The following PARG variants were observed in gnomAD, a reference collection of about 807,000 sequenced individuals.
PARG encodes poly(ADP-ribose) glycohydrolase.
Under a neutral mutation model 113.0 loss-of-function variants are expected in PARG, and 35 were observed. The observed-to-expected ratio is 0.31, with a 90% CI of 0.24 to 0.41. PARG has a LOEUF of 0.41. Ranked by LOEUF, PARG falls within the 10% of genes least tolerant of loss-of-function variation. The pLI is 1.00. For synonymous variants in PARG, 330 were observed against 409.9 expected (o/e 0.81, Z 2.36); for missense variants, 797 against 1,169.4 (o/e 0.68, Z 4.64).
Position 49,933,419 on chromosome 10 carries a change from C to T in PARG, c.1029G>A (p.Arg343=). ...SSSQTANKPS[R]FQARDADIEF... Reference sequence around the variant, plus strand: ...CAATGTCAGCGTCTCTTGCTTGGAACCTTGAAGGTTTATTTGCTGTTTGGG... The same window carrying T: ...CAATGTCAGCGTCTCTTGCTTGGAATCTTGAAGGTTTATTTGCTGTTTGGG... The change falls in exon 3 of 18, where the codon AGG becomes AGA. Residue 343 remains arginine, a synonymous_variant. Transcript: ENST00000616448. 2.5e-6 allele frequency: 4 copies of T among 1,613,558 alleles called. No individual in the cohort carries two copies. The highest frequency in any genetic ancestry group is 1.1e-5 in the South Asian group (1 of 91,052).
intron 1 of PARG, among the ~76,000 whole-genome samples, chr10:49,939,475 A>AT (rs1324204714): frequency 7.9e-5 from 12 of 152,322 alleles, no homozygotes; most frequent in African/African-American, 2.9e-4. Context: ...CAGGTTACAT[A>AT]TATTTCTTAC....
chr10:49,837,562 A>G (rs1185016665), intron 15 of PARG, among the ~76,000 whole-genome samples: 2 of 152,096 alleles, frequency 1.3e-5, no homozygotes, highest in African/African-American at 4.8e-5. Context: ...TCATAACCAA[A>G]ATTCTTAAGT....
intron 9 of PARG, among the ~76,000 whole-genome samples, chr10:49,878,603 G>A (rs1353904446): frequency 1.5e-5 from 2 of 134,712 alleles, no homozygotes; most frequent in African/African-American, 5.3e-5. Flanking sequence ...GGGCAACAGA[G>A]TGAAGCTCCG....
chr10:49,844,865 T>C (rs1554833065), intron 13 of PARG, among the ~76,000 whole-genome samples: 1 of 152,180 alleles, frequency 6.6e-6, no homozygotes, highest in African/African-American at 2.4e-5. Flanking sequence ...GACAAAGGAC[T>C]TGTGTTCAGA....
intron 7 of PARG, among the ~76,000 whole-genome samples, chr10:49,891,332 A>G (rs1847770507): frequency 6.6e-6 from 1 of 151,900 alleles, no homozygotes; most frequent in Non-Finnish European, 1.5e-5. Context: ...ATAAATAAAA[A>G]ATAAAAAAAT....
At chr10:49,912,524 G>A (rs1373420297) in intron 7 of PARG, among the ~76,000 whole-genome samples, 5 of 152,044 alleles carry the variant, frequency 3.3e-5, no homozygotes, top group Non-Finnish European at 5.9e-5. Context: ...TTAGCTGGGT[G>A]TGGTGGCGCA....
chr10:49,921,332 T>C (rs1198893824), intron 6 of PARG, among the ~76,000 whole-genome samples: 2 of 152,308 alleles, frequency 1.3e-5, no homozygotes, highest in East Asian at 1.9e-4. Context: ...ATAATTCTAA[T>C]GATAATCTCT....
Position 49,842,024 on chromosome 10 carries a change from CAACG to C in PARG, c.2463_2466del (p.Ile821MetfsTer20), listed in dbSNP as rs1334566100. The C allele has an allele frequency of 6.5e-7, 1 of 1,550,280 alleles. No homozygotes were observed. The highest frequency in any genetic ancestry group is 8.7e-7 in the Non-Finnish European group (1 of 1,146,880). ...CGTCTGAAGTGAAGAGCATCGATGG[CAACG>C]ATCTCAGTGCAGCGCCGCTGCCAGT... is the stretch of plus-strand genomic sequence containing the variant. On this transcript the variant is annotated frameshift_variant, in exon 15 of 18. Coordinates refer to ENST00000616448, the MANE Select transcript of PARG (RefSeq NM_003631.5). LOFTEE classifies it high-confidence loss of function.
chr10:49,833,637 T>C (rs1844776165), intron 15 of PARG, among the ~76,000 whole-genome samples: 1 of 152,244 alleles, frequency 6.6e-6, no homozygotes, highest in Admixed American at 6.5e-5. Flanking sequence ...GCTCATTTTC[T>C]ATATGAGAAG....
At chr10:49,915,141 C>G (rs1335584421) in intron 7 of PARG, among the ~76,000 whole-genome samples, 1 of 135,642 alleles carries the variant, frequency 7.4e-6, no homozygotes, top group Non-Finnish European at 1.6e-5. Flanking sequence ...CTGACTTTGT[C>G]AAAATTAAAA....
chr10:49,819,541 GA>G, intron 17 of PARG, 47 bp from the exon 18 acceptor site: 3 of 1,427,582 alleles, frequency 2.1e-6, no homozygotes, highest in Non-Finnish European at 2.9e-6. Flanking sequence ...GTATGTAATT[GA>G]AAAAACCTTA....
intron 6 of PARG, among the ~76,000 whole-genome samples, chr10:49,917,549 T>C (rs1837564398): frequency 6.8e-6 from 1 of 147,596 alleles, no homozygotes; most frequent in South Asian, 2.2e-4. Context: ...GCCTGTACGG[T>C]GGCTCACACC....
chr10:49,826,162 A>T (rs150821226), intron 16 of PARG, among the ~76,000 whole-genome samples: 1 of 152,220 alleles, frequency 6.6e-6, no homozygotes, highest in East Asian at 1.9e-4. Context: ...TTGAATGCAC[A>T]TTATCATGCC....
intron 16 of PARG, among the ~76,000 whole-genome samples, chr10:49,830,542 G>T (rs1844607245): frequency 6.6e-6 from 1 of 152,146 alleles, no homozygotes; most frequent in East Asian, 1.9e-4. Flanking sequence ...TTTATAACAT[G>T]TAACAGTTAA....
In PARG at chr10:49,915,995, T is replaced by C. The variant is rs1222107503; in HGVS notation, c.1663-4A>G. ...CATTGTATTTCAGAATAGCATCCTG[T>C]GGAAAATGCAGAAACAAAAAAACGT... On this transcript the variant is annotated splice_region_variant and splice_polypyrimidine_tract_variant and intron_variant, in intron 6 of 17. Coordinates refer to ENST00000616448, the MANE Select transcript of PARG (RefSeq NM_003631.5). 70 of 1,526,646 alleles carry C rather than the reference T, an allele frequency of 4.6e-5. No homozygotes were observed. Among genetic ancestry groups the C allele is most frequent in the Non-Finnish European group, 5.6e-5 (63 of 1,124,362 alleles). 94.6% of individuals were successfully genotyped at this position (1,526,646 alleles called of 1,614,324 possible).
At chr10:49,890,530 C>T (rs3884651) in intron 7 of PARG, among the ~76,000 whole-genome samples, 3 of 152,110 alleles carry the variant, frequency 2.0e-5, no homozygotes, top group Non-Finnish European at 2.9e-5. Context: ...GGTCACTGAC[C>T]TCATGAATCT....
intron 10 of PARG, among the ~76,000 whole-genome samples, chr10:49,865,785 AT>A (rs1167353720): frequency 1.3e-5 from 2 of 150,860 alleles, no homozygotes; most frequent in East Asian, 3.9e-4. Context: ...TTGAATTCAA[AT>A]TTGTAGACTC....
intron 6 of PARG, among the ~76,000 whole-genome samples, chr10:49,921,550 C>T (rs1314763944): frequency 1.3e-5 from 2 of 151,478 alleles, no homozygotes; most frequent in African/African-American, 4.9e-5. Flanking sequence ...ACAGGAGCTA[C>T]AGAAAGGTAT....
chr10:49,917,265 C>T (rs1554847911), intron 6 of PARG, among the ~76,000 whole-genome samples: 1 of 151,814 alleles, frequency 6.6e-6, no homozygotes, highest in African/African-American at 2.4e-5. Flanking sequence ...TTGAGGTGGG[C>T]GGATCACAAT....
Sources: allele counts gnomAD v4.1 joint callset (sites outside exome capture counted in the v4.1 genomes callset), GRCh38; gene constraint gnomAD v4.1.1; transcripts MANE v1.5; gene names NCBI Gene and HGNC (gene_info 2026-07-23, HGNC 2026-07-21).